The following MINK1 variants were observed in gnomAD, a reference collection of about 807,000 sequenced individuals.
The protein encoded by MINK1 is misshapen like kinase 1.
A neutral mutation model predicts 178.4 loss-of-function variants in MINK1; 46 were observed. That is an observed-to-expected ratio of 0.26 (90% CI 0.20 to 0.33). MINK1 has a LOEUF of 0.33. Among genes scored for constraint, MINK1 ranks in the 10% least tolerant of loss-of-function variants. The probability of loss-of-function intolerance (pLI) is 1.00; values close to 1 mark genes in which losing one functional copy is unlikely to be tolerated. For synonymous variants in MINK1, 797 were observed against 709.7 expected, an observed-to-expected ratio of 1.12 and a Z score of -1.96; for missense variants, 1,366 against 1,814.9, an observed-to-expected ratio of 0.75 and a Z score of 4.49.
At chr17:4,844,556 G>C (rs1275799479) in intron 1 of MINK1, 3 of 509,954 alleles carry the variant, frequency 5.9e-6, no homozygotes, top group Admixed American at 4.0e-5. Flanking sequence ...TTTTGAGGTG[G>C]GGAGAGTGAG....
rs1324025381 is a variant in MINK1, at chr17:4,897,845, C to T, written c.*558C>T. 6.6e-6 allele frequency: 1 copy of T among 152,448 alleles called. No individual in the cohort carries two copies. The allele number at this position is 152,448 out of a possible 1,614,324, so 9.4% of individuals were successfully genotyped here. ...GGAGGGGGGACCCCGCCAGCCAAAA[C>T]ATTCCCCCCATTCCCGACCCCCCTC... On this transcript the variant is annotated 3_prime_UTR_variant, in exon 32 of 32. Transcript: ENST00000355280.
At chr17:4,849,865 G>A (rs1597395563) in intron 1 of MINK1, among the ~76,000 whole-genome samples, 2 of 152,270 alleles carry the variant, frequency 1.3e-5, no homozygotes, top group East Asian at 1.9e-4. Flanking sequence ...GAGCCACCGC[G>A]CCCGGCTGGT....
chr17:4,855,254 AG>A (rs1372411919), intron 1 of MINK1, among the ~76,000 whole-genome samples: 3 of 149,946 alleles, frequency 2.0e-5, no homozygotes, highest in Non-Finnish European at 4.4e-5. Flanking sequence ...TGGGAGGCTG[AG>A]GCAGGTGGAT....
At chr17:4,873,860 T>G (rs978424882) in intron 1 of MINK1, among the ~76,000 whole-genome samples, 4 of 152,052 alleles carry the variant, frequency 2.6e-5, no homozygotes, top group African/African-American at 9.7e-5. Flanking sequence ...CGTCTGATGA[T>G]CCGGCGTTCT....
chr17:4,833,807 C>T lies in MINK1; in HGVS notation c.57+167C>T, dbSNP rs1313350461. Among the ~76,000 whole-genome samples, 1 of 152,206 alleles carries T rather than the reference C, an allele frequency of 6.6e-6. No individual in the cohort carries two copies. Among genetic ancestry groups the T allele is most frequent in the African/African-American group, 2.4e-5 (1 of 41,456 alleles). ...ACTCCCGCCGCGGCTGGGCCCCCGC[C>T]CTCTGCTCCCTTCTCTCTCCACTGG... is the stretch of plus-strand genomic sequence containing the variant. On this transcript the variant is annotated intron_variant, in intron 1 of 31. Coordinates refer to ENST00000355280, the MANE Select transcript of MINK1 (RefSeq NM_153827.5). The surrounding 1 kb of genome is among the most constrained non-coding windows in gnomAD (Gnocchi z 4.8).
intron 4 of MINK1, 95 bp downstream of exon 4, chr17:4,881,352 GC>G: frequency 7.4e-7 from 1 of 1,354,168 alleles, no homozygotes; most frequent in East Asian, 2.5e-5. Flanking sequence ...ATCTCTCCTT[GC>G]CAGCTACCCT....
chr17:4,859,417 G>A (rs1348732702), intron 1 of MINK1: 13 of 658,572 alleles, frequency 2.0e-5, no homozygotes, highest in Non-Finnish European at 2.4e-5. Context: ...AACTTCTCAG[G>A]ATGTTAATTC....
intron 1 of MINK1, among the ~76,000 whole-genome samples, chr17:4,876,553 A>G (rs1490599913): frequency 6.6e-6 from 1 of 151,574 alleles, no homozygotes; most frequent in Non-Finnish European, 1.5e-5. Context: ...AAGTGCTTTT[A>G]TTGGCATGGA....
chr17:4,839,649 A>AGAGACTGGGCTTCTCTTG (rs1909880093), intron 1 of MINK1, among the ~76,000 whole-genome samples: 1 of 152,054 alleles, frequency 6.6e-6, no homozygotes, highest in Non-Finnish European at 1.5e-5. Flanking sequence ...GGCTTCTCTT[A>AGAGACTGGGCTTCTCTTG]TCTATAGGAA....
intron 1 of MINK1, among the ~76,000 whole-genome samples, chr17:4,866,875 C>A (rs1915063527): frequency 6.6e-6 from 1 of 151,922 alleles, no homozygotes; most frequent in African/African-American, 2.4e-5. Context: ...AGATTGAGAC[C>A]ATCCTGGCCA....
chr17:4,860,241 A>G (rs1913950215), intron 1 of MINK1, among the ~76,000 whole-genome samples: 1 of 152,180 alleles, frequency 6.6e-6, no homozygotes, highest in Non-Finnish European at 1.5e-5. Context: ...CCTTCTGCTC[A>G]TTCAGTCGTC....
intron 1 of MINK1, among the ~76,000 whole-genome samples, chr17:4,834,596 C>T (rs892048056): frequency 6.6e-6 from 1 of 152,126 alleles, no homozygotes; most frequent in East Asian, 1.9e-4. Context: ...CTTACACACT[C>T]TGGTGGAAGA....
At chr17:4,857,245 C>G (rs1913300454) in intron 1 of MINK1, 1 of 248,628 alleles carries the variant, frequency 4.0e-6, no homozygotes, top group East Asian at 1.4e-4. Context: ...GGCCACATGA[C>G]AGACATGGCC....
intron 1 of MINK1, among the ~76,000 whole-genome samples, chr17:4,856,437 C>CT (rs557450778): frequency 0.01 from 1,543 of 149,620 alleles, 9 homozygotes; most frequent in Non-Finnish European, 0.014. Context: ...CTCACACTCT[C>CT]TTTTTTTTTT....
At chr17:4,859,788 C>CA (rs397857604) in intron 1 of MINK1, among the ~76,000 whole-genome samples, 16,793 of 51,740 alleles carry the variant, frequency 0.32, 5,567 homozygotes, top group Non-Finnish European at 0.41. Flanking sequence ...AACTCCATCT[C>CA]AAAAAAAAAA....
chr17:4,881,728 C>A (rs1967716974), intron 4 of MINK1, among the ~76,000 whole-genome samples: 1 of 152,238 alleles, frequency 6.6e-6, no homozygotes, highest in South Asian at 2.1e-4. Flanking sequence ...CCTTCTGGGT[C>A]ATCATTCAAA....
At chr17:4,858,712 A>G (rs541878745) in intron 1 of MINK1, among the ~76,000 whole-genome samples, 7 of 152,048 alleles carry the variant, frequency 4.6e-5, no homozygotes, top group South Asian at 2.1e-4. Flanking sequence ...TTAGACCACA[A>G]GTTCCCATTC....
chr17:4,863,124 C>T (rs1914432514), intron 1 of MINK1, among the ~76,000 whole-genome samples: 1 of 152,226 alleles, frequency 6.6e-6, no homozygotes, highest in Non-Finnish European at 1.5e-5. Flanking sequence ...CGAACCTAGG[C>T]ACCTGAATGG....
intron 4 of MINK1, among the ~76,000 whole-genome samples, chr17:4,883,749 A>G (rs1390437707): frequency 6.9e-6 from 1 of 145,272 alleles, no homozygotes; most frequent in East Asian, 2.0e-4. Flanking sequence ...CGTGTTATCC[A>G]GGATGGTCTT....
Sources: allele counts gnomAD v4.1 joint callset (sites outside exome capture counted in the v4.1 genomes callset), GRCh38; gene constraint gnomAD v4.1.1; non-coding constraint Gnocchi (gnomAD v3.1); transcripts MANE v1.5; gene names NCBI Gene and HGNC (gene_info 2026-07-23, HGNC 2026-07-21).